The following RAB21 variants were observed in gnomAD, a reference collection of about 807,000 sequenced individuals.
RAB21 encodes the protein RAB21, member RAS oncogene family.
RAB21 carries 13 observed loss-of-function variants against 33.1 expected under a neutral mutation model. The ratio of observed to expected loss-of-function variants is 0.39; its 90% confidence interval spans 0.26 to 0.62. The LOEUF is 0.62. Among genes scored for constraint, RAB21 ranks in the 20% least tolerant of loss-of-function variants. RAB21 has a pLI of 0.48. For synonymous variants in RAB21, 91 were observed against 103.7 expected (o/e 0.88, Z 0.74); for missense variants, 234 against 279.1 (o/e 0.84, Z 1.15).
chr12:71,780,654 G>A (rs556905888), intron 4 of RAB21, among the ~76,000 whole-genome samples: 5 of 152,270 alleles, frequency 3.3e-5, no homozygotes, highest in African/African-American at 7.2e-5. Context: ...AGGCTATGGT[G>A]GCAGATAGTT....
At chr12:71,761,788 C>T (rs1438396110) in intron 1 of RAB21, among the ~76,000 whole-genome samples, 2 of 152,000 alleles carry the variant, frequency 1.3e-5, no homozygotes, top group Non-Finnish European at 2.9e-5. Flanking sequence ...ATTTTTGAGA[C>T]ACTTGGCTTT....
At chr12:71,772,810 A>G (rs554061403) in intron 3 of RAB21, among the ~76,000 whole-genome samples, 4 of 152,312 alleles carry the variant, frequency 2.6e-5, no homozygotes, top group Non-Finnish European at 5.9e-5. Context: ...AGGTGGGGCT[A>G]TACTGAGAAA....
At position 71,785,920 on chromosome 12, in the gene RAB21, G is replaced by A; in HGVS notation, c.*247G>A. ...TTTTTGTTTTTTTTTGTTTTTTTTT[G>A]AGACGGAGTCTCGCTCTGTCACCCA... is the stretch of plus-strand genomic sequence containing the variant. On this transcript the variant is annotated 3_prime_UTR_variant, in exon 7 of 7. Transcript: ENST00000261263. The A allele has an allele frequency of 3.3e-6, 1 of 303,924 alleles. No homozygotes were observed. Among genetic ancestry groups the A allele is most frequent in the Non-Finnish European group, 5.4e-6 (1 of 184,418 alleles). The allele number at this position is 303,924 out of a possible 1,614,324, so 18.8% of individuals were successfully genotyped here.
rs544879360 is a variant in RAB21, at chr12:71,781,614, T to C, written c.392-417T>C. On this transcript the variant is annotated intron_variant, in intron 4 of 6. Transcript: ENST00000261263. ...ATCCAAGAGGCTAGATTAATATATT[T>C]TAGTAAACACTAAGATAGCCATACT... Among the ~76,000 whole-genome samples the C allele has an allele frequency of 3.3e-5, 5 of 152,300 alleles. No homozygotes were observed. In the East Asian group the frequency reaches 7.7e-4, roughly 23 times the overall value.
At position 71,785,662 on chromosome 12, in the gene RAB21, T is replaced by A; in HGVS notation, c.667T>A (p.Ser223Thr). 6.2e-7 allele frequency: 1 copy of A among 1,614,124 alleles called. No homozygotes were observed. Among genetic ancestry groups the A allele is most frequent in the Non-Finnish European group, 8.5e-7 (1 of 1,180,024 alleles). Residue 223 changes from serine to threonine, a missense_variant, in exon 7 of 7, where the codon TCT becomes ACT. Coordinates refer to ENST00000261263, the MANE Select transcript of RAB21 (RefSeq NM_014999.4). Reference protein sequence around the residue: ...QAQTSGGGCCSSG With the variant: ...QAQTSGGGCCTSG ...CCAGACCAGTGGTGGAGGGTGCTGT[T>A]CTTCTGGATAACTGTTCACGCCTAA...
intron 1 of RAB21, among the ~76,000 whole-genome samples, 182 bp downstream of exon 1, chr12:71,755,470 G>T (rs1236692823): frequency 6.6e-6 from 1 of 152,162 alleles, no homozygotes; most frequent in Non-Finnish European, 1.5e-5. Context: ...GCCTGTAGAC[G>T]CGAGGACAGG....
intron 4 of RAB21, among the ~76,000 whole-genome samples, chr12:71,778,131 A>G (rs1457957238): frequency 6.6e-6 from 1 of 152,210 alleles, no homozygotes; most frequent in East Asian, 1.9e-4. Context: ...GTGTAAATTG[A>G]ATACTTAACC....
At chr12:71,774,176 G>A (rs1883084239) in intron 4 of RAB21, 154 bp downstream of exon 4, 2 of 458,892 alleles carry the variant, frequency 4.4e-6, no homozygotes, top group Non-Finnish European at 7.2e-6. Context: ...GCCTGGTGCA[G>A]TGGCTCATGC....
chr12:71,758,925 C>G (rs900190619), intron 1 of RAB21, among the ~76,000 whole-genome samples: 1 of 152,154 alleles, frequency 6.6e-6, no homozygotes, highest in South Asian at 2.1e-4. Flanking sequence ...TGTTGAGAAT[C>G]CTTTTCCAAC....
Position 71,755,140 on chromosome 12 carries a change from C to CCGG in RAB21, c.27_29dup (p.Gly10dup), listed in dbSNP as rs755690537. 1,034 of 1,255,442 alleles carry CCGG rather than the reference C, an allele frequency of 8.2e-4. 6 individuals carry two copies. In the South Asian group the frequency reaches 0.018, roughly 21 times the overall value. The allele number at this position is 1,255,442 out of a possible 1,614,324, so 77.8% of individuals were successfully genotyped here. On this transcript the variant is annotated inframe_insertion, in exon 1 of 7. Coordinates refer to ENST00000261263, the MANE Select transcript of RAB21 (RefSeq NM_014999.4). ...CCGGGAAGCGACGGGATGGCTGCGG[C>CCGG]CGGCGGCGGCGGCGGCGGGGCGGCG... is the stretch of plus-strand genomic sequence containing the variant.
chr12:71,781,288 T>C (rs1883196159), intron 4 of RAB21, among the ~76,000 whole-genome samples: 1 of 152,100 alleles, frequency 6.6e-6, no homozygotes, highest in South Asian at 2.1e-4. Context: ...GCTAACACAG[T>C]GAAACCCCAT....
intron 1 of RAB21, among the ~76,000 whole-genome samples, chr12:71,764,883 A>G (rs1163481958): frequency 1.3e-5 from 2 of 152,180 alleles, no homozygotes; most frequent in African/African-American, 4.8e-5. Flanking sequence ...TTGGCTCCAT[A>G]TCTTTGCAGT....
At chr12:71,762,706 C>T (rs1354974734) in intron 1 of RAB21, among the ~76,000 whole-genome samples, 1 of 152,050 alleles carries the variant, frequency 6.6e-6, no homozygotes, top group Admixed American at 6.5e-5. Context: ...CCTCAGCCTC[C>T]TGAGTAGCTG....
chr12:71,783,864 CCCTT>C (rs904111003), intron 6 of RAB21, among the ~76,000 whole-genome samples: 1 of 150,732 alleles, frequency 6.6e-6, no homozygotes, highest in South Asian at 2.1e-4. Flanking sequence ...CTCCCTCCCT[CCCTT>C]CCTTCCTTCT....
chr12:71,774,399 G>A (rs12309672), intron 4 of RAB21: 1 of 157,638 alleles, frequency 6.3e-6, no homozygotes, highest in South Asian at 1.9e-4. Flanking sequence ...CCGGGAGGCA[G>A]AGGGTGCAGT....
rs1883322924 is a variant in RAB21, at chr12:71,788,154, GC to G, written c.*2482del. ...AAAAACTAGTTAGAGATGAAATTGA[GC>G]TTTATTTTAAAAAAACGTTCTAAAG... On this transcript the variant is annotated 3_prime_UTR_variant, in exon 7 of 7. Coordinates refer to ENST00000261263, the MANE Select transcript of RAB21 (RefSeq NM_014999.4). 6.6e-6 allele frequency: 1 copy of G among 151,852 alleles called. No homozygotes were observed. The allele number at this position is 151,852 out of a possible 1,614,324, so 9.4% of individuals were successfully genotyped here. A position where few individuals can be genotyped will look rare whatever the true frequency, so the allele number is the denominator to read the frequency against.
At position 71,797,756 on chromosome 12, in the gene RAB21, ATCAT is replaced by A. The variant is rs771450471; in HGVS notation, c.*12087_*12090del. ...CTGGAACTGGCATATGACTAGACAG[ATCAT>A]TCAAGCAGAAGGAAAATGAACCCAG... On this transcript the variant is annotated 3_prime_UTR_variant, in exon 7 of 7. Transcript: ENST00000261263. 28 of 152,012 alleles carry A rather than the reference ATCAT, an allele frequency of 1.8e-4. 1 individual carries two copies. In the East Asian group the frequency reaches 3.7e-3, roughly 20 times the overall value. 9.4% of individuals were successfully genotyped at this position (152,012 alleles called of 1,614,324 possible). A position where few individuals can be genotyped will look rare whatever the true frequency, so the allele number is the denominator to read the frequency against.
At chr12:71,776,768 G>A (rs1455357624) in intron 4 of RAB21, among the ~76,000 whole-genome samples, 2 of 150,828 alleles carry the variant, frequency 1.3e-5, no homozygotes, top group African/African-American at 2.4e-5. Flanking sequence ...AAACTTATTA[G>A]GATAACTTAA....
rs1883218649 is a variant in RAB21 at position 71,782,598 on chromosome 12, TATC to T, written c.478_480del (p.His160del). 2 of 1,602,966 alleles carry T rather than the reference TATC, an allele frequency of 1.2e-6. No homozygotes were observed. The highest frequency in any genetic ancestry group is 1.7e-5 in the Admixed American group (1 of 58,502). On this transcript the variant is annotated inframe_deletion, in exon 6 of 7. Coordinates refer to ENST00000261263, the MANE Select transcript of RAB21 (RefSeq NM_014999.4). The stretch of plus-strand genomic sequence containing the variant: ...TGCAGAATCTGTGGGAGCAAAACAT[TATC>T]ATACTTCAGCCAAACAGAACAAAGG...
Sources: gnomAD v4.1 joint callset for allele counts (sites outside exome capture counted in the v4.1 genomes callset) on GRCh38, gnomAD v4.1.1 for gene constraint, MANE v1.5 for transcripts, NCBI Gene and HGNC (gene_info 2026-07-23, HGNC 2026-07-21) for gene names.